The following CHIC1 variants were observed in gnomAD, a reference collection of about 807,000 sequenced individuals.
The protein encoded by CHIC1 is cysteine-rich hydrophobic domain-containing protein 1.
Under a neutral mutation model 18.5 loss-of-function variants are expected in CHIC1, and 7 were observed. That is an observed-to-expected ratio of 0.38 (90% confidence interval 0.22 to 0.71). CHIC1 has a LOEUF of 0.71. CHIC1 is among the 30% of genes least tolerant of loss of function. CHIC1 has a pLI of 0.49. For missense variants in CHIC1, 159 were observed against 176.9 expected (o/e 0.90, Z 0.57); for synonymous variants, 77 against 73.5 (o/e 1.05, Z -0.25).
intron 3 of CHIC1, among the ~76,000 whole-genome samples, chrX:73,624,981 T>A (rs2057776930): frequency 8.9e-6 from 1 of 112,101 alleles, no homozygotes; most frequent in East Asian, 2.8e-4. Context: ...AGGACAGAAG[T>A]CTGATCAGTA....
intron 3 of CHIC1, among the ~76,000 whole-genome samples, chrX:73,654,950 G>A (rs972193259): frequency 1.5e-4 from 17 of 110,656 alleles, no homozygotes; most frequent in African/African-American, 5.3e-4. Context: ...ATGCAGGTTT[G>A]TTACATAGGT....
intron 3 of CHIC1, among the ~76,000 whole-genome samples, chrX:73,660,255 T>C (rs1443458778): frequency 8.9e-6 from 1 of 112,042 alleles, no homozygotes; most frequent in East Asian, 2.8e-4. Flanking sequence ...TTACACACAG[T>C]AGGAGGATAG....
intron 3 of CHIC1, among the ~76,000 whole-genome samples, chrX:73,627,170 T>C (rs2057787661): frequency 9.4e-6 from 1 of 106,749 alleles, no homozygotes. Flanking sequence ...AGTCTTTCTC[T>C]CTCTGTTCTG....
chrX:73,671,059 T>A (rs183387899), intron 3 of CHIC1, among the ~76,000 whole-genome samples: 1 of 112,198 alleles, frequency 8.9e-6, no homozygotes, highest in Non-Finnish European at 1.9e-5. Flanking sequence ...TGATGTTTGT[T>A]TTTTAAGTGC....
At chrX:73,572,016 T>C (rs1309216550) in intron 1 of CHIC1, among the ~76,000 whole-genome samples, 1 of 110,557 alleles carries the variant, frequency 9.0e-6, no homozygotes, top group Non-Finnish European at 1.9e-5. Context: ...CAAAGGTATA[T>C]TACATGATGC....
chrX:73,665,525 A>G (rs1477733576), intron 3 of CHIC1, among the ~76,000 whole-genome samples: 3 of 111,288 alleles, frequency 2.7e-5, no homozygotes, highest in Non-Finnish European at 3.8e-5. Flanking sequence ...CTGTTTCAAT[A>G]CTTTTATATA....
At chrX:73,644,493 C>G in intron 3 of CHIC1, among the ~76,000 whole-genome samples, 1 of 112,557 alleles carries the variant, frequency 8.9e-6, no homozygotes, top group Non-Finnish European at 1.9e-5. Context: ...GTGGAGCCTA[C>G]AGAGGCAGGC....
chrX:73,676,007 A>G (rs1217671807), intron 3 of CHIC1, among the ~76,000 whole-genome samples: 1 of 111,436 alleles, frequency 9.0e-6, no homozygotes, highest in African/African-American at 3.3e-5. Context: ...GTTTGGCTAG[A>G]TATGAAATTC....
At chrX:73,670,417 ACTTTATCTT>A (rs1204461325) in intron 3 of CHIC1, among the ~76,000 whole-genome samples, 3 of 108,666 alleles carry the variant, frequency 2.8e-5, no homozygotes, top group South Asian at 8.1e-4. Context: ...TGGTTTGTCT[ACTTTATCTT>A]TTTAAGAACC....
At chrX:73,624,199 A>G (rs890279778) in intron 3 of CHIC1, among the ~76,000 whole-genome samples, 1 of 111,197 alleles carries the variant, frequency 9.0e-6, no homozygotes, top group Non-Finnish European at 1.9e-5. Context: ...GCAAAGAGCC[A>G]TGTATTTTTT....
intron 3 of CHIC1, among the ~76,000 whole-genome samples, chrX:73,592,614 T>G (rs1270164750): frequency 1.8e-5 from 2 of 110,890 alleles, no homozygotes; most frequent in East Asian, 5.7e-4. Flanking sequence ...TGCTAGTATT[T>G]GTTGGGGATT....
intron 3 of CHIC1, among the ~76,000 whole-genome samples, chrX:73,587,916 A>G (rs761651540): frequency 4.5e-5 from 5 of 111,197 alleles, no homozygotes; most frequent in South Asian, 3.7e-4. Flanking sequence ...TGAGCCATAT[A>G]TAAGAAAATG....
At chrX:73,607,247 G>A (rs749295135) in intron 3 of CHIC1, among the ~76,000 whole-genome samples, 3 of 108,542 alleles carry the variant, frequency 2.8e-5, no homozygotes, top group Non-Finnish European at 5.7e-5. Context: ...GGGCTTTGCC[G>A]AGTTCAAATT....
chrX:73,668,273 G>A (rs185107735), intron 3 of CHIC1, among the ~76,000 whole-genome samples: 50 of 111,610 alleles, frequency 4.5e-4, no homozygotes, highest in Non-Finnish European at 9.0e-4. Flanking sequence ...GTTTTATCAT[G>A]ATTCTTAGCT....
chrX:73,574,035 G>A (rs2057483987), intron 1 of CHIC1, among the ~76,000 whole-genome samples: 1 of 110,080 alleles, frequency 9.1e-6, no homozygotes, highest in Admixed American at 9.7e-5. Context: ...TCCAGCTTTT[G>A]CTTCTTCGGT....
chrX:73,679,771 T>C, intron 5 of CHIC1, 58 bp downstream of exon 5: 1 of 650,851 alleles, frequency 1.5e-6, no homozygotes, highest in Non-Finnish European at 2.2e-6. Flanking sequence ...ACCATTTTCC[T>C]GTGTTTATCA....
At chrX:73,627,169 C>T (rs1024169254) in intron 3 of CHIC1, among the ~76,000 whole-genome samples, 2 of 106,383 alleles carry the variant, frequency 1.9e-5, no homozygotes, top group African/African-American at 6.9e-5. Context: ...GAGTCTTTCT[C>T]TCTCTGTTCT....
chrX:73,577,312 A>G (rs769741892), intron 1 of CHIC1, 95 bp from the exon 2 acceptor site: 122 of 634,938 alleles, frequency 1.9e-4, no homozygotes, highest in Admixed American at 6.9e-5. Context: ...AAAAGGCCAA[A>G]AGAAAAATGC....
At chrX:73,658,252 T>TTG (rs2057961030) in intron 3 of CHIC1, among the ~76,000 whole-genome samples, 2 of 80,004 alleles carry the variant, frequency 2.5e-5, no homozygotes, top group African/African-American at 9.2e-5. Flanking sequence ...TCCTAGGTTT[T>TTG]TTTTTTTTTT....
Sources: gnomAD v4.1 joint callset for allele counts (sites outside exome capture counted in the v4.1 genomes callset) on GRCh38, gnomAD v4.1.1 for gene constraint, MANE v1.5 for transcripts, NCBI Gene and HGNC (gene_info 2026-07-23, HGNC 2026-07-21) for gene names.